The following SMARCC2 variants were observed in gnomAD, a reference collection of about 807,000 sequenced individuals.
SMARCC2 encodes SWI/SNF complex subunit SMARCC2.
Under a neutral mutation model 151.3 loss-of-function variants are expected in SMARCC2, and 15 were observed. The observed-to-expected ratio is 0.10, with a 90% confidence interval of 0.07 to 0.15. SMARCC2 has a LOEUF of 0.15. SMARCC2 is among the 10% of genes least tolerant of loss of function. The pLI, the probability that SMARCC2 is intolerant of heterozygous loss-of-function variation, is 1.00. For synonymous variants in SMARCC2, 590 were observed against 609.5 expected, an observed-to-expected ratio of 0.97 and a Z score of 0.47; for missense variants, 1,031 against 1,599.7, an observed-to-expected ratio of 0.64 and a Z score of 6.06.
chr12:56,165,382 C>T lies in SMARCC2; in HGVS notation c.3168G>A (p.Gln1056=), dbSNP rs907981064. The T allele has an allele frequency of 2.0e-6, 3 of 1,505,444 alleles. No individual in the cohort carries two copies. Among genetic ancestry groups the T allele is most frequent in the African/African-American group, 2.8e-5 (2 of 71,030 alleles). 93.3% of individuals were successfully genotyped at this position (1,505,444 alleles called of 1,614,324 possible). ...QAGSTAGPQQ[Q]QPAGAPQPGA... is the part of the protein sequence containing the mutation. The stretch of plus-strand genomic sequence containing the variant: ...CAGGCTGGGGGGCTCCAGCTGGTTG[C>T]TGCTGCTGTGGCCCTGCAGTTGACC... The change falls in exon 27 of 29, where the codon CAG becomes CAA. Residue 1056 remains glutamine (Q), a synonymous_variant. Transcript: ENST00000550164.
Position 56,165,607 on chromosome 12 carries a change from G to A in SMARCC2, c.2943C>T (p.His981=). Residue 981 remains histidine, a synonymous_variant, in exon 27 of 29, where the codon CAC becomes CAT. Transcript: ENST00000550164. ...KYAEMRARQQ[H]FQQMHQQQQQ... ...GCTGCTGTTGGTGCATCTGTTGGAAGTGCTGCTGCCGAGCCCTCATCTCCG... is the reference window on the plus strand; with the variant it reads ...GCTGCTGTTGGTGCATCTGTTGGAAATGCTGCTGCCGAGCCCTCATCTCCG... The A allele has an allele frequency of 6.2e-7, 1 of 1,613,804 alleles. No individual in the cohort carries two copies. Among genetic ancestry groups the A allele is most frequent in the Non-Finnish European group, 8.5e-7 (1 of 1,180,034 alleles).
intron 11 of SMARCC2, among the ~76,000 whole-genome samples, chr12:56,179,439 T>A (rs1035109988): frequency 5.9e-5 from 9 of 152,130 alleles, no homozygotes; most frequent in African/African-American, 2.2e-4. Context: ...TTCATATACA[T>A]ATGCTCAGGA....
chr12:56,186,744 G>A (rs904477673), intron 2 of SMARCC2: 5 of 182,100 alleles, frequency 2.7e-5, no homozygotes, highest in Admixed American at 2.7e-4. Context: ...ACCACCTTGT[G>A]CTAACACTTT....
At position 56,171,967 on chromosome 12, in the gene SMARCC2, CTTACT is replaced by C. The variant is rs749771238; in HGVS notation, c.1927-35_1927-31del. 1.3e-5 allele frequency: 21 copies of C among 1,559,658 alleles called. No individual in the cohort carries two copies. The Admixed American group carries it at 3.4e-4, about 25-fold the overall frequency. On this transcript the variant is annotated intron_variant, in intron 20 of 28. Coordinates refer to ENST00000550164, the MANE Select transcript of SMARCC2 (RefSeq NM_001330288.2). The surrounding 1 kb of genome is among the most constrained non-coding windows in gnomAD (Gnocchi z 4.2). ...TGGTAGTGGTGGAGACATAACTCCG[CTTACT>C]TAGCCACTTTTCTCGAAGGCTGACT...
rs1446441135 is a variant in SMARCC2, at chr12:56,189,369, G to A, written c.93C>T (p.Leu31=). ...CGCGTACCTTCTTGTAGTTCTTGCC[G>A]AGCCACAGCCGCACGTTGTCGAACT... ...VTQFDNVRLW[L]GKNYKKYIQA... is the part of the protein sequence containing the mutation. The change falls in exon 1 of 29, where the codon CTC becomes CTT. Residue 31 remains leucine, a synonymous_variant. Coordinates refer to ENST00000550164, the MANE Select transcript of SMARCC2 (RefSeq NM_001330288.2). The A allele has an allele frequency of 1.3e-6, 2 of 1,535,552 alleles. No individual in the cohort carries two copies. The highest frequency in any genetic ancestry group is 1.8e-6 in the Non-Finnish European group (2 of 1,137,094).
rs754034905 is a variant in SMARCC2 at position 56,168,171 on chromosome 12, C to T, written c.2739G>A (p.Arg913=). The change falls in exon 26 of 29, where the codon AGG becomes AGA. Residue 913 remains arginine (R), a synonymous_variant. Transcript: ENST00000550164. ...KAKHLAAVEE[R]KIKSLVALLV... Reference sequence around the variant, plus strand: ...GCAGGGCCACCAAAGATTTGATCTTCCTTTCCTCAACAGCAGCCAAGTGCT... The same window carrying T: ...GCAGGGCCACCAAAGATTTGATCTTTCTTTCCTCAACAGCAGCCAAGTGCT... The T allele has an allele frequency of 5.6e-6, 9 of 1,614,116 alleles. No individual in the cohort carries two copies. Among genetic ancestry groups the T allele is most frequent in the Non-Finnish European group, 7.6e-6 (9 of 1,179,992 alleles).
intron 2 of SMARCC2, 54 bp from the exon 3 acceptor site, chr12:56,186,294 C>A: frequency 9.7e-7 from 1 of 1,031,852 alleles, no homozygotes; most frequent in South Asian, 1.3e-5. Flanking sequence ...TAAATTCTCT[C>A]ATCACTTAAT....
rs898406368 is a variant in SMARCC2 at position 56,174,875 on chromosome 12, A to G, written c.1383-111T>C. The G allele has an allele frequency of 1.3e-5, 9 of 701,366 alleles. No individual in the cohort carries two copies. The South Asian group carries it at 1.4e-4, about 11-fold the overall frequency. 43.4% of individuals were successfully genotyped at this position (701,366 alleles called of 1,614,324 possible). ...GACTTCTCCTGCATGATAAAGATGGAAAAAAGTAGATTATTTGACTCTACA... is the reference window on the plus strand; with the variant it reads ...GACTTCTCCTGCATGATAAAGATGGGAAAAAGTAGATTATTTGACTCTACA... On this transcript the variant is annotated intron_variant, in intron 15 of 28. Transcript: ENST00000550164.
At chr12:56,181,154 C>A (rs1876123099) in intron 10 of SMARCC2, 53 bp from the exon 11 acceptor site, 1 of 1,569,876 alleles carries the variant, frequency 6.4e-7, no homozygotes, top group Non-Finnish European at 8.7e-7. Context: ...ACAAGGAGTC[C>A]CTGGAAGTTG....
chr12:56,180,469 T>A (rs1875971098), intron 11 of SMARCC2, among the ~76,000 whole-genome samples: 1 of 149,394 alleles, frequency 6.7e-6, no homozygotes, highest in African/African-American at 2.5e-5. Context: ...AGTGGTACAA[T>A]CTCGGCTCCC....
chr12:56,163,386 TA>T lies in SMARCC2; in HGVS notation c.*302del. 1 of 224,814 alleles carries T rather than the reference TA, an allele frequency of 4.4e-6. No individual in the cohort carries two copies. Among genetic ancestry groups the T allele is most frequent in the Non-Finnish European group, 8.7e-6 (1 of 115,540 alleles). 13.9% of individuals were successfully genotyped at this position (224,814 alleles called of 1,614,324 possible). On this transcript the variant is annotated 3_prime_UTR_variant, in exon 29 of 29. Coordinates refer to ENST00000550164, the MANE Select transcript of SMARCC2 (RefSeq NM_001330288.2). ...AGTAGTTTGGAGGGAGGTGTACCCTTAGAAGTGGTTAATAGAACCTTGTATA... is the reference window on the plus strand; with the variant it reads ...AGTAGTTTGGAGGGAGGTGTACCCTTGAAGTGGTTAATAGAACCTTGTATA...
chr12:56,176,302 T>C (rs1565908676), intron 15 of SMARCC2, among the ~76,000 whole-genome samples: 1 of 152,154 alleles, frequency 6.6e-6, no homozygotes, highest in Non-Finnish European at 1.5e-5. Context: ...CATAGCAAGC[T>C]ATGAAGAAAA....
intron 15 of SMARCC2, 51 bp downstream of exon 15, chr12:56,177,971 G>T: frequency 2.5e-6 from 3 of 1,220,264 alleles, no homozygotes; most frequent in South Asian, 2.5e-5. Context: ...CAGGAAGGGT[G>T]AATGTGGGGA....
chr12:56,172,381 C>T (rs1874112198), intron 20 of SMARCC2, 47 bp downstream of exon 20: 1 of 1,496,548 alleles, frequency 6.7e-7, no homozygotes, highest in African/African-American at 1.4e-5. Flanking sequence ...TACACGGAGC[C>T]CACTTCTGTT....
chr12:56,173,007 G>GT lies in SMARCC2; in HGVS notation c.1672dup (p.Thr558AsnfsTer12). The GT allele has an allele frequency of 6.2e-7, 1 of 1,614,100 alleles. No individual in the cohort carries two copies. The highest frequency in any genetic ancestry group is 8.5e-7 in the Non-Finnish European group (1 of 1,180,038). ...CTCTTTGCCCTTTCGCCCAGCCTTGGTATCAGCATCAACCTGGCGGCCCTG... is the reference window on the plus strand; with the variant it reads ...CTCTTTGCCCTTTCGCCCAGCCTTGGTTATCAGCATCAACCTGGCGGCCCTG... On this transcript the variant is annotated frameshift_variant, in exon 18 of 29. Transcript: ENST00000550164. LOFTEE classifies it high-confidence loss of function.
chr12:56,171,047 A>G lies in SMARCC2; in HGVS notation c.2347+224T>C, dbSNP rs912820218. 1.3e-5 allele frequency among the ~76,000 whole-genome samples: 2 copies of G among 152,148 alleles called. No individual in the cohort carries two copies. Among genetic ancestry groups the G allele is most frequent in the Admixed American group, 6.5e-5 (1 of 15,278 alleles). On this transcript the variant is annotated intron_variant, in intron 22 of 28. Coordinates refer to ENST00000550164, the MANE Select transcript of SMARCC2 (RefSeq NM_001330288.2). The surrounding 1 kb of genome is among the most constrained non-coding windows in gnomAD (Gnocchi z 4.2). Reference sequence around the variant, plus strand: ...CGCCCGGCCTTCACAAGACTTTTCTAACAGCCCCTTCTACAAGCAAAGATT... The same window carrying G: ...CGCCCGGCCTTCACAAGACTTTTCTGACAGCCCCTTCTACAAGCAAAGATT...
At position 56,169,625 on chromosome 12, in the gene SMARCC2, C is replaced by A. The variant is rs1220968504; in HGVS notation, c.2619G>T (p.Glu873Asp). 1 of 1,613,878 alleles carries A rather than the reference C, an allele frequency of 6.2e-7. No individual in the cohort carries two copies. The highest frequency in any genetic ancestry group is 8.5e-7 in the Non-Finnish European group (1 of 1,179,950). ...EEVLKEVVES[E>D]GERKTKVERD... ...GCTCCACCTTTGTCTTCCTTTCCCC[C>A]TCAGACTCCACCACTTCCTTCAGCA... is the stretch of plus-strand genomic sequence containing the variant. The change falls in exon 25 of 29, where the codon GAG becomes GAT. Residue 873 changes from glutamate (E) to aspartate (D), a missense_variant. Physicochemically the swap from Glu to Asp is conservative, Grantham distance 45. Transcript: ENST00000550164.
At chr12:56,183,958 A>G (rs1364174328) in intron 6 of SMARCC2, 28 bp from the exon 7 acceptor site, 1 of 1,553,326 alleles carries the variant, frequency 6.4e-7, no homozygotes, top group Non-Finnish European at 8.9e-7. Context: ...GAAGGGAGAG[A>G]TATAAGCTAA....
Position 56,172,928 on chromosome 12 carries a change from C to G in SMARCC2, c.1743+9G>C, listed in dbSNP as rs1874230694. On this transcript the variant is annotated intron_variant, in intron 18 of 28. Coordinates refer to ENST00000550164, the MANE Select transcript of SMARCC2 (RefSeq NM_001330288.2). ...ATGAGCAGCCCAGCAGGGTCTGCAC[C>G]CCACCTACCAGCTCTGGCTTGCCCT... The G allele has an allele frequency of 1.2e-6, 2 of 1,612,362 alleles. No homozygotes were observed. The highest frequency in any genetic ancestry group is 1.7e-5 in the Admixed American group (1 of 60,002).
Sources: allele counts gnomAD v4.1 joint callset (sites outside exome capture counted in the v4.1 genomes callset), GRCh38; gene constraint gnomAD v4.1.1; non-coding constraint Gnocchi (gnomAD v3.1); transcripts MANE v1.5; gene names NCBI Gene and HGNC (gene_info 2026-07-23, HGNC 2026-07-21).